Variants in MFGE8 observed in about 807,000 individuals in gnomAD.
The protein encoded by MFGE8 is lactadherin.
MFGE8 carries 34 observed loss-of-function variants against 42.6 expected under a neutral mutation model. The ratio of observed to expected loss-of-function variants is 0.80; its 90% CI spans 0.61 to 1.06. The LOEUF (loss-of-function observed/expected upper bound fraction) is 1.06. Among genes scored for constraint, MFGE8 ranks in the 50% least tolerant of loss-of-function variants. The probability of loss-of-function intolerance (pLI) is 0.00; values close to 1 mark genes in which losing one functional copy is unlikely to be tolerated. For missense variants in MFGE8, 510 were observed against 516.9 expected (o/e 0.99, Z 0.13); for synonymous variants, 230 against 214.8 (o/e 1.07, Z -0.62).
chr15:88,901,517 A>ACCCAAAAAGCAGGCC, intron 6 of MFGE8, 34 bp downstream of exon 6: 1 of 1,072,616 alleles, frequency 9.3e-7, no homozygotes. Context: ...ATCCCACCCA[A>ACCCAAAAAGCAGGCC]CCCCAGCCCC....
chr15:88,901,415 C>T, intron 6 of MFGE8, 136 bp downstream of exon 6: 1 of 827,098 alleles, frequency 1.2e-6, no homozygotes, highest in East Asian at 2.7e-5. Context: ...GAAAGAAAAG[C>T]CGAAGAAAAA....
chr15:88,901,195 TCA>T (rs1321417814), intron 6 of MFGE8, among the ~76,000 whole-genome samples: 1 of 61,678 alleles, frequency 1.6e-5, no homozygotes, highest in Non-Finnish European at 3.5e-5. Flanking sequence ...ACACACACAT[TCA>T]CACATTCACA....
chr15:88,901,898 G>C (rs1596191524), intron 5 of MFGE8, 163 bp from the exon 6 acceptor site: 2 of 708,284 alleles, frequency 2.8e-6, no homozygotes, highest in African/African-American at 3.5e-5. Flanking sequence ...CCAACTGTGC[G>C]ACCTTCTCAC....
Position 88,907,391 on chromosome 15 carries a change from G to T in MFGE8, c.206-15C>A. 1 of 1,613,852 alleles carries T rather than the reference G, an allele frequency of 6.2e-7. No individual in the cohort carries two copies. The highest frequency in any genetic ancestry group is 8.5e-7 in the Non-Finnish European group (1 of 1,179,760). On this transcript the variant is annotated splice_polypyrimidine_tract_variant and intron_variant, in intron 2 of 7. Transcript: ENST00000268150. ...CTCGACACATTCTGAGGGAAGGGAG[G>T]TGGCAGTCAGGTGGCTACCCCAGCA...
Position 88,905,786 on chromosome 15 carries a change from C to T in MFGE8, c.656G>A (p.Arg219His), listed in dbSNP as rs758466373. The change falls in exon 5 of 8, where the codon CGC (arginine) becomes CAC (histidine). Residue 219 changes from arginine to histidine, a missense_variant. Coordinates refer to ENST00000268150, the MANE Select transcript of MFGE8 (RefSeq NM_005928.4). This position sits in a 1 kb window ranked among gnomAD's most constrained non-coding sequence, Gnocchi z 6.6. Reference sequence around the variant, plus strand: ...CAGCTCACAGCCCAGTAGCTCAAAGCGCAGAGTGCAGGCCGTGTGGCAGCT... The same window carrying T: ...CAGCTCACAGCCCAGTAGCTCAAAGTGCAGAGTGCAGGCCGTGTGGCAGCT... ...PTSCHTACTL[R>H]FELLGCELNG... 5.0e-6 allele frequency: 8 copies of T among 1,614,192 alleles called. No homozygotes were observed. The highest frequency in any genetic ancestry group is 2.2e-5 in the East Asian group (1 of 44,880).
At chr15:88,900,852 G>A (rs993632958) in intron 6 of MFGE8, 10 of 661,264 alleles carry the variant, frequency 1.5e-5, no homozygotes, top group South Asian at 6.8e-5. Flanking sequence ...GAGGTCCCAA[G>A]ATGCCTGGGT....
chr15:88,910,801 G>C (rs1030831156), intron 1 of MFGE8: 2 of 152,368 alleles, frequency 1.3e-5, no homozygotes, highest in Non-Finnish European at 2.9e-5. Context: ...GGCCAGACTG[G>C]GAGGGATCTG....
rs751746916 is a variant in MFGE8, at chr15:88,899,497, C to A, written c.1062G>T (p.Lys354Asn). The change falls in exon 8 of 8, where the codon AAG (lysine) becomes AAT (asparagine). Residue 354 changes from lysine (K) to asparagine (N), a missense_variant. Physicochemically the swap from Lys to Asn is moderately conservative, Grantham distance 94. Coordinates refer to ENST00000268150, the MANE Select transcript of MFGE8 (RefSeq NM_005928.4). The surrounding 1 kb of genome is among the most constrained non-coding windows in gnomAD (Gnocchi z 6.8). ...FPGNWDNHSH[K>N]KNLFETPILA... Reference sequence around the variant, plus strand: ...GGATGGGCGTCTCAAACAAGTTCTTCTTGTGGGAGTGGTTGTCCCAGTTGC... The same window carrying A: ...GGATGGGCGTCTCAAACAAGTTCTTATTGTGGGAGTGGTTGTCCCAGTTGC... The A allele has an allele frequency of 6.2e-7, 1 of 1,614,208 alleles. No homozygotes were observed. The highest frequency in any genetic ancestry group is 1.1e-5 in the South Asian group (1 of 91,080).
chr15:88,910,783 T>A (rs915236058), intron 1 of MFGE8: 1 of 152,290 alleles, frequency 6.6e-6, no homozygotes, highest in Non-Finnish European at 1.5e-5. Flanking sequence ...GCTGGAAGGG[T>A]AGGCTGGGGC....
chr15:88,901,460 G>A (rs1898425123), intron 6 of MFGE8, 91 bp downstream of exon 6: 2 of 1,323,096 alleles, frequency 1.5e-6, no homozygotes, highest in Admixed American at 1.8e-5. Context: ...GGGAGCAGAA[G>A]AGAAGCCTGG....
At position 88,905,183 on chromosome 15, in the gene MFGE8, G is replaced by C. The variant is rs1320511195; in HGVS notation, c.685+574C>G. ...AGAAGCCCCTGTGTTTCTCTGGAGT[G>C]CAGACTCTTAAGAGTTTGGCAGGGA... On this transcript the variant is annotated intron_variant, in intron 5 of 7. Coordinates refer to ENST00000268150, the MANE Select transcript of MFGE8 (RefSeq NM_005928.4). The surrounding 1 kb of genome is among the most constrained non-coding windows in gnomAD (Gnocchi z 6.6). Among the ~76,000 whole-genome samples the C allele has an allele frequency of 6.6e-6, 1 of 152,212 alleles. No homozygotes were observed. The highest frequency in any genetic ancestry group is 1.5e-5 in the Non-Finnish European group (1 of 68,036).
chr15:88,913,373 G>C lies in MFGE8; in HGVS notation c.-54C>G. The stretch of plus-strand genomic sequence containing the variant: ...CACGCTGGGCTGCTCAGACCCCGCG[G>C]GGTTCTGGCGCCTTCTCCTCTGGGA... On this transcript the variant is annotated 5_prime_UTR_variant, in exon 1 of 8. Transcript: ENST00000268150. The C allele has an allele frequency of 7.9e-7, 1 of 1,268,510 alleles. No individual in the cohort carries two copies. Among genetic ancestry groups the C allele is most frequent in the Non-Finnish European group, 1.0e-6 (1 of 979,806 alleles). The allele number at this position is 1,268,510 out of a possible 1,614,324, so 78.6% of individuals were successfully genotyped here. A position where few individuals can be genotyped will look rare whatever the true frequency, so the allele number is the denominator to read the frequency against.
At chr15:88,900,134 A>G (rs1352757731) in intron 6 of MFGE8, among the ~76,000 whole-genome samples, 2 of 151,198 alleles carry the variant, frequency 1.3e-5, no homozygotes, top group Admixed American at 1.3e-4. Flanking sequence ...CCCAGCTACT[A>G]GGGAGGCTGA....
At position 88,899,980 on chromosome 15, in the gene MFGE8, A is replaced by G. The variant is rs1898285251; in HGVS notation, c.871-169T>C. Among the ~76,000 whole-genome samples the G allele has an allele frequency of 6.6e-6, 1 of 152,192 alleles. No individual in the cohort carries two copies. Among genetic ancestry groups the G allele is most frequent in the Non-Finnish European group, 1.5e-5 (1 of 68,032 alleles). ...AGGCCGGACATGGTGTCTCATGCCT[A>G]TAATCCCAACACTTTGGGAGAGACT... On this transcript the variant is annotated intron_variant, in intron 6 of 7. Transcript: ENST00000268150. This position sits in a 1 kb window ranked among gnomAD's most constrained non-coding sequence, Gnocchi z 6.8.
At chr15:88,909,509 G>A (rs373847864) in intron 2 of MFGE8, among the ~76,000 whole-genome samples, 3 of 152,236 alleles carry the variant, frequency 2.0e-5, no homozygotes, top group Admixed American at 2.0e-4. Flanking sequence ...GACCTCCAGG[G>A]TGACCACAAC....
chr15:88,911,932 T>A (rs553909451), intron 1 of MFGE8, among the ~76,000 whole-genome samples: 1 of 152,162 alleles, frequency 6.6e-6, no homozygotes, highest in South Asian at 2.1e-4. Flanking sequence ...TATTAGTCAT[T>A]GGCTTTAAAT....
At chr15:88,910,592 A>G (rs1453970629) in intron 1 of MFGE8, 1 of 156,954 alleles carries the variant, frequency 6.4e-6, no homozygotes, top group Non-Finnish European at 1.4e-5. Flanking sequence ...AGAAGCCTGC[A>G]TGGACCGTCA....
chr15:88,900,734 G>C, intron 6 of MFGE8: 1 of 985,454 alleles, frequency 1.0e-6, no homozygotes, highest in Non-Finnish European at 1.2e-6. Context: ...ACAAGCTCCG[G>C]TTTTCCATGG....
At chr15:88,912,838 A>G in intron 1 of MFGE8, 3 of 985,462 alleles carry the variant, frequency 3.0e-6, no homozygotes, top group Non-Finnish European at 3.6e-6. Context: ...GGAGATGGCC[A>G]GGACAAAGTT....
Sources: allele counts gnomAD v4.1 joint callset (sites outside exome capture counted in the v4.1 genomes callset), GRCh38; gene constraint gnomAD v4.1.1; non-coding constraint Gnocchi (gnomAD v3.1); transcripts MANE v1.5; gene names NCBI Gene and HGNC (gene_info 2026-07-23, HGNC 2026-07-21).